Variants in SLC12A2 observed in about 807,000 individuals in gnomAD.
The protein encoded by SLC12A2 is Na-K-2Cl cotransporter 1.
SLC12A2 carries 67 observed loss-of-function variants against 136.3 expected under a neutral mutation model. That is an observed-to-expected ratio of 0.49 (90% CI 0.40 to 0.60). The LOEUF is 0.60. SLC12A2 is among the 20% of genes least tolerant of loss of function. The pLI is 0.00. For missense variants in SLC12A2, 1,322 were observed against 1,534.7 expected (o/e 0.86, Z 2.32); for synonymous variants, 619 against 562.9 (o/e 1.10, Z -1.41).
At chr5:128,186,311 C>G (rs956109135) in intron 26 of SLC12A2, among the ~76,000 whole-genome samples, 185 bp from the exon 27 acceptor site, 1 of 152,124 alleles carries the variant, frequency 6.6e-6, no homozygotes, top group East Asian at 1.9e-4. Context: ...GCGTCTCCAT[C>G]GCTAAGCAAC....
At chr5:128,132,548 C>A (rs778017257) in intron 5 of SLC12A2, among the ~76,000 whole-genome samples, 1 of 152,092 alleles carries the variant, frequency 6.6e-6, no homozygotes, top group Non-Finnish European at 1.5e-5. Context: ...CTGTATTGCT[C>A]TGGAGTATAA....
intron 10 of SLC12A2, among the ~76,000 whole-genome samples, chr5:128,143,627 TTTG>T (rs1762437014): frequency 6.6e-6 from 1 of 152,030 alleles, no homozygotes; most frequent in African/African-American, 2.4e-5. Flanking sequence ...TTTTGAGTTG[TTTG>T]TTAAGTCCTA....
At chr5:128,105,309 G>A (rs543717026) in intron 1 of SLC12A2, among the ~76,000 whole-genome samples, 11 of 152,244 alleles carry the variant, frequency 7.2e-5, no homozygotes, top group African/African-American at 2.6e-4. Context: ...AGTCTGGTAC[G>A]ATAACCATGG....
In SLC12A2 at chr5:128,189,077, A is replaced by G. The variant is rs1763963592; in HGVS notation, c.*2446A>G. The G allele has an allele frequency of 6.6e-6, 1 of 152,448 alleles. No individual in the cohort carries two copies. Among genetic ancestry groups the G allele is most frequent in the Non-Finnish European group, 1.5e-5 (1 of 68,020 alleles). 9.4% of individuals were successfully genotyped at this position (152,448 alleles called of 1,614,324 possible). The stretch of plus-strand genomic sequence containing the variant: ...TGGGGTGGGTAATACTGTCTGTGAA[A>G]TAATGTAAGAAGCTTTTCACTTAAA... On this transcript the variant is annotated 3_prime_UTR_variant, in exon 27 of 27. Transcript: ENST00000262461.
chr5:128,153,623 C>T (rs1026472762), intron 15 of SLC12A2, among the ~76,000 whole-genome samples: 2 of 152,136 alleles, frequency 1.3e-5, no homozygotes, highest in Non-Finnish European at 2.9e-5. Flanking sequence ...TTTCTTTAGT[C>T]ATGAGTAATC....
chr5:128,184,313 G>A, intron 24 of SLC12A2, 53 bp from the exon 25 acceptor site: 1 of 1,154,260 alleles, frequency 8.7e-7, no homozygotes, highest in Non-Finnish European at 1.2e-6. Context: ...AGATCTTCCT[G>A]TTATGTAACT....
rs1478316733 is a variant in SLC12A2, at chr5:128,096,396, C to CT, written c.756+11692dup. ...AATAGTTGGGTCTAGATATTAACCTCTTTTTTATAAAACCTAATGGTTTCG... is the reference window on the plus strand; with the variant it reads ...AATAGTTGGGTCTAGATATTAACCTCTTTTTTTATAAAACCTAATGGTTTCG... On this transcript the variant is annotated intron_variant, in intron 1 of 26. Transcript: ENST00000262461. 7.2e-5 allele frequency among the ~76,000 whole-genome samples: 11 copies of CT among 152,114 alleles called. No individual in the cohort carries two copies. In the East Asian group the frequency reaches 2.1e-3, roughly 29 times the overall value.
Position 128,084,006 on chromosome 5 carries a change from G to T in SLC12A2, c.52G>T (p.Val18Phe), listed in dbSNP as rs1025704186. The T allele has an allele frequency of 7.4e-5, 93 of 1,254,116 alleles. No homozygotes were observed. The highest frequency in any genetic ancestry group is 8.9e-5 in the Non-Finnish European group (89 of 1,002,004). 77.7% of individuals were successfully genotyped at this position (1,254,116 alleles called of 1,614,324 possible). A position where few individuals can be genotyped will look rare whatever the true frequency, so the allele number is the denominator to read the frequency against. Residue 18 changes from valine (V) to phenylalanine (F), a missense_variant, in exon 1 of 27, where the codon GTC becomes TTC. By Grantham distance (50) the Val-to-Phe change is conservative. Around this residue, in one of 8 missense-constraint regions of SLC12A2, gnomAD observed 358 missense variants for 299.7 expected, o/e 1.19. Coordinates refer to ENST00000262461, the MANE Select transcript of SLC12A2 (RefSeq NM_001046.3). This position sits in a 1 kb window ranked among gnomAD's most constrained non-coding sequence, Gnocchi z 5.6. ...PSSGAPGLAG[V>F]GETPSAAALA... ...CTCCGGCGCCCCGGGACTGGCCGGGGTCGGGGAGACGCCGTCAGCCGCTGC... is the reference window on the plus strand; with the variant it reads ...CTCCGGCGCCCCGGGACTGGCCGGGTTCGGGGAGACGCCGTCAGCCGCTGC...
At chr5:128,111,051 A>C (rs985681619) in intron 1 of SLC12A2, 9 of 641,944 alleles carry the variant, frequency 1.4e-5, no homozygotes, top group Admixed American at 7.2e-5. Context: ...CTTAACTAAA[A>C]AGAATTTTTT....
chr5:128,138,516 G>T, intron 7 of SLC12A2, 81 bp from the exon 8 acceptor site: 1 of 1,292,046 alleles, frequency 7.7e-7, no homozygotes, highest in Non-Finnish European at 1.1e-6. Context: ...TAGGGGTCAT[G>T]TATACCTATT....
At chr5:128,163,092 G>T (rs1207551102) in intron 17 of SLC12A2, among the ~76,000 whole-genome samples, 2 of 152,094 alleles carry the variant, frequency 1.3e-5, no homozygotes, top group African/African-American at 2.4e-5. Flanking sequence ...GAACTGCTGT[G>T]GTAATGTAGA....
chr5:128,182,078 C>T (rs949675174), intron 23 of SLC12A2, among the ~76,000 whole-genome samples: 1 of 151,864 alleles, frequency 6.6e-6, no homozygotes, highest in African/African-American at 2.4e-5. Flanking sequence ...TTATAGTAGC[C>T]ACTTAATTGA....
intron 4 of SLC12A2, among the ~76,000 whole-genome samples, chr5:128,115,731 T>G (rs1160724193): frequency 6.6e-6 from 1 of 152,238 alleles, no homozygotes; most frequent in Non-Finnish European, 1.5e-5. Context: ...TCAACTGTTT[T>G]GAATATCCCT....
At chr5:128,169,774 T>G (rs1047078890) in intron 18 of SLC12A2, 2 of 152,156 alleles carry the variant, frequency 1.3e-5, no homozygotes, top group Non-Finnish European at 1.5e-5. Flanking sequence ...AAAGTGACAT[T>G]TTTTACAAAT....
At chr5:128,134,306 T>G (rs1354550850) in intron 6 of SLC12A2, 31 bp downstream of exon 6, 1 of 1,090,944 alleles carries the variant, frequency 9.2e-7, no homozygotes, top group South Asian at 1.3e-5. Context: ...CTGTAAATAT[T>G]TAATACGTAA....
intron 9 of SLC12A2, among the ~76,000 whole-genome samples, chr5:128,141,562 T>C (rs1243824049): frequency 6.6e-6 from 1 of 152,168 alleles, no homozygotes; most frequent in Non-Finnish European, 1.5e-5. Context: ...AGTATACCAT[T>C]TTCCACAACT....
chr5:128,163,059 A>T (rs1228681671), intron 17 of SLC12A2, among the ~76,000 whole-genome samples: 1 of 152,146 alleles, frequency 6.6e-6, no homozygotes, highest in Non-Finnish European at 1.5e-5. Context: ...GACACCCCTG[A>T]CATAGAGCAA....
chr5:128,131,752 T>C lies in SLC12A2; in HGVS notation c.1188+546T>C, dbSNP rs368943262. Among the ~76,000 whole-genome samples the C allele has an allele frequency of 1.2e-4, 18 of 152,186 alleles. No individual in the cohort carries two copies. The East Asian group carries it at 2.9e-3, about 25-fold the overall frequency. On this transcript the variant is annotated intron_variant, in intron 5 of 26. Transcript: ENST00000262461. ...CGGGCGTGGTGGCTCATGCCTGTAA[T>C]CTCAGTACTATGGGAGGCAGAGTTG...
chr5:128,172,763 C>G (rs565807868), intron 19 of SLC12A2, among the ~76,000 whole-genome samples: 2 of 152,154 alleles, frequency 1.3e-5, no homozygotes, highest in Admixed American at 1.3e-4. Flanking sequence ...GAGTTTGAGA[C>G]CAGTCTGACC....
Sources: gnomAD v4.1 joint callset for allele counts (sites outside exome capture counted in the v4.1 genomes callset) on GRCh38, gnomAD v4.1.1 for gene constraint, gnomAD v4.1.1 regional missense constraint, Gnocchi (gnomAD v3.1) non-coding constraint, MANE v1.5 for transcripts, NCBI Gene and HGNC (gene_info 2026-07-23, HGNC 2026-07-21) for gene names.